Variants in ANKRD30B observed in about 807,000 individuals in gnomAD.
The protein encoded by ANKRD30B is ankyrin repeat domain-containing protein 30B.
Under a neutral mutation model 202.2 loss-of-function variants are expected in ANKRD30B, and 144 were observed. The observed-to-expected ratio is 0.71, with a 90% CI of 0.62 to 0.82. The LOEUF (loss-of-function observed/expected upper bound fraction) is 0.82. ANKRD30B is among the 40% of genes least tolerant of loss of function. The pLI is 0.00. For missense variants in ANKRD30B, 1,487 were observed against 1,669.1 expected (o/e 0.89, Z 1.90); for synonymous variants, 508 against 561.3 (o/e 0.91, Z 1.34).
At chr18:14,865,655 G>A in the ANKRD30B span, among the ~76,000 whole-genome samples, 1 of 143,794 alleles carries the variant, frequency 7.0e-6, no homozygotes, top group Non-Finnish European at 1.5e-5. Context: ...CCATCTTTAT[G>A]CAATGCCTTC....
At chr18:14,917,221 T>C in the ANKRD30B span, among the ~76,000 whole-genome samples, 1 of 152,196 alleles carries the variant, frequency 6.6e-6, no homozygotes, top group Admixed American at 6.5e-5. Flanking sequence ...ATTTTTCCCT[T>C]TTCTCTAACT....
At chr18:14,869,635 A>G in the ANKRD30B span, among the ~76,000 whole-genome samples, 1 of 151,900 alleles carries the variant, frequency 6.6e-6, no homozygotes, top group Non-Finnish European at 1.5e-5. Context: ...TTATTTTGTC[A>G]TTTATTAAAT....
At position 14,852,120 on chromosome 18, in the gene ANKRD30B, T is replaced by C. The variant is rs777325878; in HGVS notation, c.4176T>C (p.Cys1392=). 6 of 1,604,172 alleles carry C rather than the reference T, an allele frequency of 3.7e-6. No homozygotes were observed. The highest frequency in any genetic ancestry group is 3.4e-5 in the South Asian group (3 of 89,484). Residue 1392 remains cysteine (C), a synonymous_variant, in exon 42 of 44, where the codon TGT becomes TGC. Coordinates refer to ENST00000690538, the MANE Select transcript of ANKRD30B (RefSeq NM_001367607.2). ...HAQRDRCETQ[C]QMKKAEHMYQ... is the part of the protein sequence containing the mutation. ...AAAGAGACCGATGTGAAACACAGTG[T>C]CAAATGAAGAAAGCTGAACACATGT...
At chr18:14,837,039 G>C (rs546577691) in intron 34 of ANKRD30B, 172 bp from the exon 35 acceptor site, 2 of 496,724 alleles carry the variant, frequency 4.0e-6, no homozygotes, top group Admixed American at 7.4e-5. Context: ...TATCTTCCAT[G>C]TATATTTTCT....
In ANKRD30B at chr18:14,748,228, G is replaced by A. The variant is rs1261781684; in HGVS notation, c.-192G>A. 2.0e-6 allele frequency: 1 copy of A among 511,742 alleles called. No homozygotes were observed. Among genetic ancestry groups the A allele is most frequent in the Non-Finnish European group, 3.4e-6 (1 of 291,576 alleles). 31.7% of individuals were successfully genotyped at this position (511,742 alleles called of 1,614,324 possible). On this transcript the variant is annotated 5_prime_UTR_variant, in exon 1 of 44. Coordinates refer to ENST00000690538, the MANE Select transcript of ANKRD30B (RefSeq NM_001367607.2). ...TCTGCTCAGAATTTCTCCCGACAGA[G>A]GCCGGAGTGTTCAAGAGCTTGGCGA...
At position 14,848,824 on chromosome 18, in the gene ANKRD30B, A is replaced by T. The variant is rs2143250124; in HGVS notation, c.3290A>T (p.Lys1097Ile). 2 of 1,584,608 alleles carry T rather than the reference A, an allele frequency of 1.3e-6. No individual in the cohort carries two copies. Among genetic ancestry groups the T allele is most frequent in the South Asian group, 2.3e-5 (2 of 86,434 alleles). ...ATTACAGCAAAAATGGAACAAACGA[A>T]AAATAAGTTTTGTGTACTACAAAAG... ...EQITAKMEQT[K>I]NKFCVLQKEL... The change falls in exon 40 of 44, where the codon AAA becomes ATA. Residue 1097 changes from lysine to isoleucine, a missense_variant. Around this residue, in one of 6 missense-constraint regions of ANKRD30B, gnomAD observed 177 missense variants for 216.4 expected, o/e 0.82. Coordinates refer to ENST00000690538, the MANE Select transcript of ANKRD30B (RefSeq NM_001367607.2).
At chr18:14,856,326 C>T (rs1341214834), downstream of ANKRD30B, among the ~76,000 whole-genome samples, 16 of 113,860 alleles carry the variant, frequency 1.4e-4, no homozygotes, top group East Asian at 1.2e-3. Flanking sequence ...CAGGCAGAGG[C>T]GCTCCTCACC....
chr18:14,914,003 T>A, the ANKRD30B span, among the ~76,000 whole-genome samples: 1 of 152,206 alleles, frequency 6.6e-6, no homozygotes, highest in African/African-American at 2.4e-5. Context: ...ACGGGGTAAT[T>A]TGTCCAAAGT....
At chr18:14,838,661 C>T (rs1393198941) in intron 36 of ANKRD30B, among the ~76,000 whole-genome samples, 2 of 152,108 alleles carry the variant, frequency 1.3e-5, no homozygotes, top group Non-Finnish European at 2.9e-5. Context: ...TAGGTAGAAG[C>T]AGCAGCTGCA....
intron 30 of ANKRD30B, among the ~76,000 whole-genome samples, chr18:14,818,909 C>T (rs373094930): frequency 2.1e-4 from 32 of 151,654 alleles, no homozygotes; most frequent in African/African-American, 7.8e-4. Flanking sequence ...ATGGTATTTC[C>T]AGTTCTAGAT....
At chr18:14,909,601 T>C in the ANKRD30B span, among the ~76,000 whole-genome samples, 3 of 152,040 alleles carry the variant, frequency 2.0e-5, no homozygotes, top group Admixed American at 6.6e-5. Context: ...ACAGATGGAG[T>C]TTCACCATGT....
At chr18:14,878,448 T>A in the ANKRD30B span, among the ~76,000 whole-genome samples, 2 of 152,012 alleles carry the variant, frequency 1.3e-5, no homozygotes, top group Non-Finnish European at 2.9e-5. Context: ...GGTCTTTGCC[T>A]TCTTTCTCGA....
At chr18:14,758,027 G>A in intron 5 of ANKRD30B, 75 bp downstream of exon 5, 1 of 1,474,602 alleles carries the variant, frequency 6.8e-7, no homozygotes, top group Non-Finnish European at 9.1e-7. Context: ...CAGTGACTTA[G>A]TTCACTTCAT....
the ANKRD30B span, among the ~76,000 whole-genome samples, chr18:14,860,611 T>C: frequency 6.6e-6 from 1 of 150,636 alleles, no homozygotes; most frequent in African/African-American, 2.4e-5. Flanking sequence ...ATAAAGTAAA[T>C]TAGATTAACA....
intron 3 of ANKRD30B, among the ~76,000 whole-genome samples, chr18:14,753,840 T>G (rs903939950): frequency 1.1e-4 from 17 of 152,016 alleles, no homozygotes; most frequent in African/African-American, 3.9e-4. Context: ...ATTCAAGTGA[T>G]TTAGGGGCTT....
the ANKRD30B span, among the ~76,000 whole-genome samples, chr18:14,922,064 G>T: frequency 6.6e-6 from 1 of 152,210 alleles, no homozygotes; most frequent in Non-Finnish European, 1.5e-5. Context: ...AGGCATTGAA[G>T]AGGGTAGGAA....
intron 43 of ANKRD30B, among the ~76,000 whole-genome samples, 57 bp from the exon 44 acceptor site, chr18:14,854,135 G>T (rs1032671815): frequency 6.6e-6 from 1 of 150,728 alleles, no homozygotes; most frequent in African/African-American, 2.4e-5. Flanking sequence ...TCTTTATAAT[G>T]TGCTTATTTT....
intron 34 of ANKRD30B, among the ~76,000 whole-genome samples, chr18:14,835,504 A>T (rs1158153429): frequency 6.6e-6 from 1 of 151,592 alleles, no homozygotes. Context: ...CCTTGCACAT[A>T]TATTTGTTTA....
the ANKRD30B span, among the ~76,000 whole-genome samples, chr18:14,914,308 C>T: frequency 6.6e-6 from 1 of 152,186 alleles, no homozygotes; most frequent in African/African-American, 2.4e-5. Flanking sequence ...TAAGTTACCT[C>T]TGGGAGGCTC....
Sources: gnomAD v4.1 joint callset for allele counts (sites outside exome capture counted in the v4.1 genomes callset) on GRCh38, gnomAD v4.1.1 for gene constraint, gnomAD v4.1.1 regional missense constraint, MANE v1.5 for transcripts, NCBI Gene and HGNC (gene_info 2026-07-23, HGNC 2026-07-21) for gene names.